HNF4A: variants seen among roughly 807,000 people sequenced by gnomAD.
HNF4A encodes hepatocyte nuclear factor 4-alpha.
In HNF4A, 15 loss-of-function variants were observed where a neutral mutation model predicts 52.4. That is an observed-to-expected ratio of 0.29 (90% CI 0.19 to 0.44). The LOEUF (loss-of-function observed/expected upper bound fraction) is 0.44. Ranked by LOEUF, HNF4A falls within the 20% of genes least tolerant of loss-of-function variation. The pLI, the probability that HNF4A is intolerant of heterozygous loss-of-function variation, is 1.00. For synonymous variants in HNF4A, 280 were observed against 264.4 expected, an observed-to-expected ratio of 1.06 and a Z score of -0.57; for missense variants, 479 against 647.2, an observed-to-expected ratio of 0.74 and a Z score of 2.82.
Position 44,401,330 on chromosome 20 carries a change from C to T in HNF4A, c.-43C>T, listed in dbSNP as rs759117225. Reference sequence around the variant, plus strand: ...GGAGGGCGGGGGCCTTCGGGGTGGGCGCCCAGGGTAGGGCAGGTGGCCGCG... The same window carrying T: ...GGAGGGCGGGGGCCTTCGGGGTGGGTGCCCAGGGTAGGGCAGGTGGCCGCG... On this transcript the variant is annotated 5_prime_UTR_variant, in exon 1 of 10. Transcript: ENST00000316099. 6 of 1,612,788 alleles carry T rather than the reference C, an allele frequency of 3.7e-6. No homozygotes were observed. The highest frequency in any genetic ancestry group is 1.1e-5 in the South Asian group (1 of 91,048).
intron 1 of HNF4A, among the ~76,000 whole-genome samples, chr20:44,374,814 T>G (rs980383940): frequency 5.3e-5 from 8 of 152,208 alleles, no homozygotes; most frequent in African/African-American, 1.9e-4. Flanking sequence ...AGTGCATGTG[T>G]CTTTTTGGTA....
intron 1 of HNF4A, among the ~76,000 whole-genome samples, chr20:44,364,921 T>A (rs1231570346): frequency 6.6e-6 from 1 of 152,244 alleles, no homozygotes; most frequent in Non-Finnish European, 1.5e-5. Context: ...CTTTCACTTC[T>A]ACTCACATTC....
At chr20:44,405,746 G>A (rs1340954184) in intron 1 of HNF4A, among the ~76,000 whole-genome samples, 2 of 152,178 alleles carry the variant, frequency 1.3e-5, no homozygotes, top group African/African-American at 4.8e-5. Context: ...TTGCGAGTTA[G>A]GAGGCCGGCT....
intron 1 of HNF4A, among the ~76,000 whole-genome samples, chr20:44,402,162 C>A (rs1419406384): frequency 6.6e-6 from 1 of 151,914 alleles, no homozygotes; most frequent in African/African-American, 2.4e-5. Flanking sequence ...AGTTCTGGGT[C>A]TATTTTCCTT....
At chr20:44,364,009 A>G (rs1330834371) in intron 1 of HNF4A, among the ~76,000 whole-genome samples, 4 of 152,040 alleles carry the variant, frequency 2.6e-5, no homozygotes, top group African/African-American at 9.7e-5. Context: ...TCTTTTGAGA[A>G]ATGGAGGTAT....
Position 44,403,112 on chromosome 20 carries a change from C to T in HNF4A, c.115+1625C>T, listed in dbSNP as rs556332920. Among the ~76,000 whole-genome samples, 256 of 152,284 alleles carry T rather than the reference C, an allele frequency of 1.7e-3. 1 individual carries two copies. Among genetic ancestry groups the T allele is most frequent in the African/African-American group, 5.7e-3 (237 of 41,560 alleles). Reference sequence around the variant, plus strand: ...CTAGGTGGAGTGTTGTGTGGCCCCACGAGGACCACTGCCCTGCCCTGGGCT... The same window carrying T: ...CTAGGTGGAGTGTTGTGTGGCCCCATGAGGACCACTGCCCTGCCCTGGGCT... On this transcript the variant is annotated intron_variant, in intron 1 of 9. Transcript: ENST00000316099.
intron 1 of HNF4A, among the ~76,000 whole-genome samples, chr20:44,380,505 G>A (rs1278636925): frequency 6.6e-6 from 1 of 152,120 alleles, no homozygotes; most frequent in Non-Finnish European, 1.5e-5. Context: ...TGTTGCCCAG[G>A]CTGGTCTTAA....
chr20:44,424,636 A>G (rs1024185326), intron 8 of HNF4A: 5 of 1,383,982 alleles, frequency 3.6e-6, no homozygotes, highest in Non-Finnish European at 4.7e-6. Context: ...AACAGGTAAT[A>G]TGATAGAGTT....
chr20:44,429,942 T>A lies in HNF4A; in HGVS notation c.*277T>A, dbSNP rs149998598. 8 of 477,198 alleles carry A rather than the reference T, an allele frequency of 1.7e-5. No homozygotes were observed. In the East Asian group the frequency reaches 2.2e-4, roughly 13 times the overall value. The allele number at this position is 477,198 out of a possible 1,614,324, so 29.6% of individuals were successfully genotyped here. A position where few individuals can be genotyped will look rare whatever the true frequency, so the allele number is the denominator to read the frequency against. On this transcript the variant is annotated 3_prime_UTR_variant, in exon 10 of 10. Coordinates refer to ENST00000316099, the MANE Select transcript of HNF4A (RefSeq NM_000457.6). ...GCCACTGCCTTCACCTTCACCTTCA[T>A]CCATGTCCAACCCCCGACTTCATCC...
At chr20:44,381,279 CTTTTTTTTT>C in intron 1 of HNF4A, among the ~76,000 whole-genome samples, 1 of 110,116 alleles carries the variant, frequency 9.1e-6, no homozygotes, top group African/African-American at 3.6e-5. Context: ...TCAGTGAGAG[CTTTTTTTTT>C]TTTTTTTTTT....
intron 1 of HNF4A, among the ~76,000 whole-genome samples, chr20:44,394,551 G>T (rs1161163352): frequency 1.3e-5 from 2 of 152,166 alleles, no homozygotes; most frequent in Admixed American, 6.5e-5. Context: ...CAGAGTTCTA[G>T]AACCCCAAGC....
At chr20:44,355,987 A>T (rs1458401257) in intron 1 of HNF4A, 134 bp downstream of exon 1, 80 of 759,978 alleles carry the variant, frequency 1.1e-4, no homozygotes, top group Non-Finnish European at 1.5e-4. Context: ...AGGAAGCCCC[A>T]CGGAGGCAAT....
chr20:44,422,893 G>A (rs1371511538), intron 7 of HNF4A, among the ~76,000 whole-genome samples: 1 of 151,766 alleles, frequency 6.6e-6, no homozygotes, highest in Non-Finnish European at 1.5e-5. Flanking sequence ...TGACCAGGCT[G>A]GTCTCAAACT....
At chr20:44,394,034 C>T (rs546335853) in intron 1 of HNF4A, among the ~76,000 whole-genome samples, 20 of 152,236 alleles carry the variant, frequency 1.3e-4, no homozygotes, top group East Asian at 1.2e-3. Flanking sequence ...ACGTAGTCTC[C>T]GGTTTGCAGT....
rs200985945 is a variant in HNF4A, at chr20:44,419,772, G to T, written c.788G>T (p.Arg263Leu). 1 of 1,612,152 alleles carries T rather than the reference G, an allele frequency of 6.2e-7. No homozygotes were observed. Among genetic ancestry groups the T allele is most frequent in the African/African-American group, 1.3e-5 (1 of 74,972 alleles). ...TGCCCGGAGCTGGCGGAGATGAGCC[G>T]GGTGTCCATACGCATCCTTGACGAG... The change falls in exon 7 of 10, where the codon CGG becomes CTG. Residue 263 changes from arginine to leucine, a missense_variant. By Grantham distance (102) the Arg-to-Leu change is moderately radical. Transcript: ENST00000316099.
intron 3 of HNF4A, among the ~76,000 whole-genome samples, chr20:44,408,899 C>G (rs1161265426): frequency 6.6e-6 from 1 of 151,996 alleles, no homozygotes. Flanking sequence ...CACCCCTCAC[C>G]CCCATCACCC....
intron 6 of HNF4A, among the ~76,000 whole-genome samples, chr20:44,419,022 C>T (rs182388775): frequency 7.2e-5 from 11 of 152,260 alleles, no homozygotes; most frequent in South Asian, 4.2e-4. Context: ...ATAATCCACC[C>T]GCCTCAGTCT....
chr20:44,373,818 T>C (rs1229686498), intron 1 of HNF4A, among the ~76,000 whole-genome samples: 1 of 151,994 alleles, frequency 6.6e-6, no homozygotes, highest in Non-Finnish European at 1.5e-5. Context: ...GCCTCCTGAG[T>C]AGCTGGAACT....
At chr20:44,412,262 T>C (rs925830006) in intron 3 of HNF4A, among the ~76,000 whole-genome samples, 2 of 152,120 alleles carry the variant, frequency 1.3e-5, no homozygotes, top group African/African-American at 4.8e-5. Flanking sequence ...AACAAATAAT[T>C]CTACAATAAG....
Sources: allele counts gnomAD v4.1 joint callset (sites outside exome capture counted in the v4.1 genomes callset), GRCh38; gene constraint gnomAD v4.1.1; transcripts MANE v1.5; gene names NCBI Gene and HGNC (gene_info 2026-07-23, HGNC 2026-07-21).